ERMP1: variants seen among roughly 807,000 people sequenced by gnomAD.
ERMP1 encodes endoplasmic reticulum metallopeptidase 1, also known as Felix-ina.
ERMP1 carries 86 observed loss-of-function variants against 92.0 expected under a neutral mutation model. The observed-to-expected ratio is 0.93, with a 90% CI of 0.79 to 1.12. ERMP1 has a LOEUF of 1.12. Ranked by LOEUF, ERMP1 falls within the 50% of genes most tolerant of loss-of-function variation. The pLI, the probability that ERMP1 is intolerant of heterozygous loss-of-function variation, is 0.00. For synonymous variants in ERMP1, 530 were observed against 412.8 expected, an observed-to-expected ratio of 1.28 and a Z score of -3.44; for missense variants, 1,342 against 1,116.3, an observed-to-expected ratio of 1.20 and a Z score of -2.88.
At chr9:5,824,883 C>A (rs1829677416) in intron 3 of ERMP1, among the ~76,000 whole-genome samples, 1 of 152,168 alleles carries the variant, frequency 6.6e-6, no homozygotes, top group Non-Finnish European at 1.5e-5. Flanking sequence ...CAATAATCTG[C>A]TAAGTGGAGT....
chr9:5,864,594 G>A (rs374247863), intron 5 of ERMP1, among the ~76,000 whole-genome samples: 29 of 152,284 alleles, frequency 1.9e-4, no homozygotes, highest in African/African-American at 6.7e-4. Flanking sequence ...AAAATGACAG[G>A]CTTTCCTCAG....
At position 5,823,948 on chromosome 9, in the gene ERMP1, G is replaced by A. The variant is rs760076088; in HGVS notation, c.822C>T (p.Phe274=). 3 of 1,614,140 alleles carry A rather than the reference G, an allele frequency of 1.9e-6. No individual in the cohort carries two copies. In the East Asian group the frequency reaches 6.7e-5, roughly 36 times the overall value. The change falls in exon 4 of 15, where the codon TTC becomes TTT. Residue 274 remains phenylalanine (F), a synonymous_variant. Transcript: ENST00000339450. ...QHPWASLIRA[F]INLEAAGVGG... ...CTACACCTGCTGCCTCTAGGTTAAT[G>A]AATGCACGAATCAAGCTAGCCCAGG...
intron 6 of ERMP1, among the ~76,000 whole-genome samples, chr9:5,850,180 C>A (rs1441749134): frequency 1.3e-5 from 2 of 151,922 alleles, no homozygotes; most frequent in African/African-American, 4.8e-5. Context: ...ACCCTGAGTG[C>A]TTGCTAGAAA....
chr9:5,810,148 T>C lies in ERMP1; in HGVS notation c.1411A>G (p.Ile471Val), dbSNP rs1829035585. ...CCAATAAGAGAGATGAACACTGCTA[T>C]AATGAGAACGGTAACAAGGCTAGTG... ...WFTSLVTVLI[I>V]AVFISLIGQS... Residue 471 changes from isoleucine to valine, a missense_variant, in exon 8 of 15, where the codon ATA (isoleucine) becomes GTA (valine). Ile to Val is a conservative substitution (Grantham distance 29, BLOSUM62 3). Coordinates refer to ENST00000339450, the MANE Select transcript of ERMP1 (RefSeq NM_024896.3). 6.2e-7 allele frequency: 1 copy of C among 1,614,090 alleles called. No homozygotes were observed. Among genetic ancestry groups the C allele is most frequent in the East Asian group, 2.2e-5 (1 of 44,872 alleles).
In ERMP1 at chr9:5,841,993, G is replaced by A. The variant is rs183042015; in HGVS notation, n.3200-8681C>T. On this transcript the variant is annotated intron_variant and non_coding_transcript_variant, in intron 6 of 6. Transcript: ENST00000690753. Reference sequence around the variant, plus strand: ...TGTTTTTTCCTCCTGGTGGGTTCATGGTCTTGCTGACTTCAGGAGTAAAGC... The same window carrying A: ...TGTTTTTTCCTCCTGGTGGGTTCATAGTCTTGCTGACTTCAGGAGTAAAGC... 3.3e-5 allele frequency among the ~76,000 whole-genome samples: 5 copies of A among 152,238 alleles called. No homozygotes were observed. In the East Asian group the frequency reaches 9.6e-4, roughly 29 times the overall value.
intron 13 of ERMP1, chr9:5,791,088 AAAGT>A: frequency 2.9e-6 from 1 of 344,094 alleles, no homozygotes; most frequent in Non-Finnish European, 5.9e-6. Flanking sequence ...GTACTCAGAA[AAAGT>A]ATAGCGTGAA....
chr9:5,804,380 T>G (rs1024400388), intron 10 of ERMP1, among the ~76,000 whole-genome samples: 1 of 151,944 alleles, frequency 6.6e-6, no homozygotes, highest in Non-Finnish European at 1.5e-5. Context: ...TTCTTCCCTC[T>G]GGGAATCCCA....
Position 5,797,872 on chromosome 9 carries a change from G to A in ERMP1, c.2331C>T (p.Leu777=), listed in dbSNP as rs1828500402. The A allele has an allele frequency of 1.2e-6, 2 of 1,613,768 alleles. No individual in the cohort carries two copies. Among genetic ancestry groups the A allele is most frequent in the African/African-American group, 2.7e-5 (2 of 74,926 alleles). ...CCCAAGGTGTCTGTTCTTTGGATAT[G>A]AGTCGGAAATGAGGAGGATTTCTTG... ...VSPRNPPHFR[L]ISKEQTPWDS... The change falls in exon 13 of 15, where the codon CTC becomes CTT. Residue 777 remains leucine, a synonymous_variant. Transcript: ENST00000339450.
chr9:5,841,098 T>C (rs557869951), intron 6 of ERMP1, among the ~76,000 whole-genome samples: 1 of 152,352 alleles, frequency 6.6e-6, no homozygotes, highest in African/African-American at 2.4e-5. Flanking sequence ...ACCTCTTTAT[T>C]AGTTCCTTCT....
At chr9:5,859,902 C>T (rs1046955205) in intron 5 of ERMP1, among the ~76,000 whole-genome samples, 7 of 152,148 alleles carry the variant, frequency 4.6e-5, no homozygotes, top group Non-Finnish European at 1.0e-4. Context: ...CTTAGATATA[C>T]TTTGAAAAAA....
intron 13 of ERMP1, among the ~76,000 whole-genome samples, chr9:5,792,435 A>G (rs1042791922): frequency 2.6e-5 from 4 of 152,224 alleles, no homozygotes; most frequent in African/African-American, 9.7e-5. Flanking sequence ...AGATAAAGTC[A>G]TAATGCCAGG....
chr9:5,839,541 T>C (rs1830133212), intron 6 of ERMP1, among the ~76,000 whole-genome samples: 2 of 152,194 alleles, frequency 1.3e-5, no homozygotes, highest in South Asian at 4.1e-4. Context: ...AACTCGATTG[T>C]TTTAGTGAAC....
chr9:5,860,211 A>C (rs1057505672), intron 5 of ERMP1, among the ~76,000 whole-genome samples: 1 of 151,510 alleles, frequency 6.6e-6, no homozygotes, highest in African/African-American at 2.4e-5. Flanking sequence ...AGGCTGAGTC[A>C]GGAGGATTGC....
At chr9:5,843,995 G>C (rs534155543) in intron 6 of ERMP1, among the ~76,000 whole-genome samples, 1 of 152,076 alleles carries the variant, frequency 6.6e-6, no homozygotes, top group African/African-American at 2.4e-5. Context: ...GGCCAATACC[G>C]GCACAGACTT....
At chr9:5,830,443 G>A (rs537927139) in intron 2 of ERMP1, among the ~76,000 whole-genome samples, 1 of 152,270 alleles carries the variant, frequency 6.6e-6, no homozygotes, top group South Asian at 2.1e-4. Context: ...ACACTGTCTG[G>A]TAACATTGAG....
intron 4 of ERMP1, among the ~76,000 whole-genome samples, chr9:5,823,126 A>G (rs1416985937): frequency 1.3e-5 from 2 of 152,098 alleles, no homozygotes; most frequent in African/African-American, 4.8e-5. Flanking sequence ...CTCTACAAAA[A>G]AATTTTTAAA....
At chr9:5,834,364 AC>A (rs567136424), upstream of ERMP1, among the ~76,000 whole-genome samples, 127 of 152,318 alleles carry the variant, frequency 8.3e-4, no homozygotes, top group Non-Finnish European at 1.5e-3. Flanking sequence ...ATCTCACAGC[AC>A]CATGTTTGCA....
Position 5,824,049 on chromosome 9 carries a change from T to C in ERMP1, c.769-48A>G, listed in dbSNP as rs1829643223. ...AAATATTTGTTAAACAATCTTAAATTATCAGTCTTGATTTTGCTTAAACAC... is the reference window on the plus strand; with the variant it reads ...AAATATTTGTTAAACAATCTTAAATCATCAGTCTTGATTTTGCTTAAACAC... On this transcript the variant is annotated intron_variant, in intron 3 of 14. Coordinates refer to ENST00000339450, the MANE Select transcript of ERMP1 (RefSeq NM_024896.3). 3.4e-6 allele frequency: 5 copies of C among 1,483,132 alleles called. No individual in the cohort carries two copies. The South Asian group carries it at 5.8e-5, about 17-fold the overall frequency. The allele number at this position is 1,483,132 out of a possible 1,614,324, so 91.9% of individuals were successfully genotyped here.
At chr9:5,815,461 A>G (rs1029282170) in intron 4 of ERMP1, among the ~76,000 whole-genome samples, 1 of 151,162 alleles carries the variant, frequency 6.6e-6, no homozygotes, top group African/African-American at 2.4e-5. Flanking sequence ...GAATATATAG[A>G]GTAAAATTAA....
Sources: gnomAD v4.1 joint callset for allele counts (sites outside exome capture counted in the v4.1 genomes callset) on GRCh38, gnomAD v4.1.1 for gene constraint, MANE v1.5 for transcripts, NCBI Gene and HGNC (gene_info 2026-07-23, HGNC 2026-07-21) for gene names.